The following FGL1 variants were observed in gnomAD, a reference collection of about 807,000 sequenced individuals.
FGL1 encodes the protein fibrinogen like 1.
A neutral mutation model predicts 43.7 loss-of-function variants in FGL1; 59 were observed. The ratio of observed to expected loss-of-function variants is 1.35; its 90% CI spans 1.10 to 1.68. FGL1 has a LOEUF of 1.68. Ranked by LOEUF, FGL1 falls within the 40% of genes most tolerant of loss-of-function variation. The pLI is 0.00. For synonymous variants in FGL1, 192 were observed against 126.5 expected, an observed-to-expected ratio of 1.52 and a Z score of -3.48; for missense variants, 596 against 373.0, an observed-to-expected ratio of 1.60 and a Z score of -4.92.
At chr8:17,881,871 T>C (rs1352301410) in intron 3 of FGL1, 128 bp downstream of exon 3, 1 of 758,030 alleles carries the variant, frequency 1.3e-6, no homozygotes, top group East Asian at 2.9e-5. Context: ...AAGAAGACAT[T>C]TACAATAGAT....
At position 17,892,696 on chromosome 8, in the gene FGL1, T is replaced by C. The variant is rs12114169; in HGVS notation, c.-18+2751A>G. ...GATTAGTAGTAAAAATAATGTCCTC[T>C]TTTTTTATGTGACAGGAAACAAATT... On this transcript the variant is annotated intron_variant, in intron 1 of 7. Coordinates refer to ENST00000427924, the MANE Select transcript of FGL1 (RefSeq NM_004467.4). Among the ~76,000 whole-genome samples the C allele has an allele frequency of 3.1e-3, 477 of 152,284 alleles. 3 individuals are homozygous for C. Among genetic ancestry groups the C allele is most frequent in the African/African-American group, 0.011 (454 of 41,550 alleles).
intron 1 of FGL1, among the ~76,000 whole-genome samples, chr8:17,890,135 G>C (rs533362221): frequency 2.6e-5 from 4 of 152,298 alleles, no homozygotes; most frequent in Admixed American, 1.3e-4. Flanking sequence ...AAATAGTGAA[G>C]CAAAGTAACT....
intron 1 of FGL1, among the ~76,000 whole-genome samples, chr8:17,887,850 T>A (rs2053652157): frequency 6.7e-6 from 1 of 150,268 alleles, no homozygotes. Flanking sequence ...AAAAAAAAAG[T>A]ATCTCTAGAC....
intron 5 of FGL1, among the ~76,000 whole-genome samples, chr8:17,871,188 G>C (rs1274465894): frequency 6.6e-6 from 1 of 152,080 alleles, no homozygotes; most frequent in East Asian, 1.9e-4. Flanking sequence ...TAAGTCAACT[G>C]TCTTTAAAAA....
rs527886159 is a variant in FGL1, at chr8:17,886,812, A to G, written c.-17-1241T>C. On this transcript the variant is annotated intron_variant, in intron 1 of 7. Transcript: ENST00000427924. ...GAGAGGAGAGGAGAGGAGAGGAGAG[A>G]AGAGAAGTAGGGGAATTGGCAAAGC... Among the ~76,000 whole-genome samples, 39 of 147,836 alleles carry G rather than the reference A, an allele frequency of 2.6e-4. No homozygotes were observed. In the South Asian group the frequency reaches 5.0e-3, roughly 19 times the overall value.
intron 7 of FGL1, among the ~76,000 whole-genome samples, chr8:17,867,849 C>T (rs1563446340): frequency 6.6e-6 from 1 of 152,180 alleles, no homozygotes; most frequent in Non-Finnish European, 1.5e-5. Flanking sequence ...GTAGGTGGAT[C>T]ACATGAGGCC....
At chr8:17,866,592 G>A (rs570964047) in intron 7 of FGL1, among the ~76,000 whole-genome samples, 1 of 152,132 alleles carries the variant, frequency 6.6e-6, no homozygotes, top group Non-Finnish European at 1.5e-5. Context: ...CAAGGATAAT[G>A]TGGGCTCTGT....
Position 17,864,587 on chromosome 8 carries a change from A to G in FGL1, c.*5T>C. The G allele has an allele frequency of 6.2e-7, 1 of 1,602,064 alleles. No individual in the cohort carries two copies. The highest frequency in any genetic ancestry group is 8.5e-7 in the Non-Finnish European group (1 of 1,176,786). ...ATTGCAGAAACGAAAGCCCAACAGC[A>G]GCAATTAAATTACATTTGGAATAAA... is the stretch of plus-strand genomic sequence containing the variant. On this transcript the variant is annotated 3_prime_UTR_variant, in exon 8 of 8. Coordinates refer to ENST00000427924, the MANE Select transcript of FGL1 (RefSeq NM_004467.4).
intron 2 of FGL1, among the ~76,000 whole-genome samples, chr8:17,885,084 A>T (rs2053608358): frequency 6.6e-6 from 1 of 151,008 alleles, no homozygotes; most frequent in South Asian, 2.1e-4. Flanking sequence ...TCTGTCGCCC[A>T]GGCTGGAGTG....
intron 5 of FGL1, among the ~76,000 whole-genome samples, chr8:17,870,463 G>A (rs2299579): frequency 0.73 from 110,376 of 152,034 alleles, 40,837 homozygotes; most frequent in Non-Finnish European, 0.79. Flanking sequence ...CTGTAAGGTC[G>A]GGTTAGAATT....
intron 1 of FGL1, among the ~76,000 whole-genome samples, chr8:17,890,208 A>G (rs401153): frequency 0.64 from 97,582 of 152,006 alleles, 31,992 homozygotes; most frequent in Middle Eastern, 0.72. Context: ...CACCACCTCT[A>G]TTGCTAATGT....
In FGL1 at chr8:17,864,437, C is replaced by T. The variant is rs942876438; in HGVS notation, c.*155G>A. On this transcript the variant is annotated 3_prime_UTR_variant, in exon 8 of 8. Coordinates refer to ENST00000427924, the MANE Select transcript of FGL1 (RefSeq NM_004467.4). ...TGGTGAATATTGCATATCTGCTGTA[C>T]TGAAAGCACATTAAGTAACAAAGGC... 3.5e-5 allele frequency: 25 copies of T among 723,548 alleles called. No individual in the cohort carries two copies. In the African/African-American group the frequency reaches 3.6e-4, roughly 10 times the overall value. The allele number at this position is 723,548 out of a possible 1,614,324, so 44.8% of individuals were successfully genotyped here.
chr8:17,876,096 C>T (rs146495507), intron 3 of FGL1, among the ~76,000 whole-genome samples: 1 of 152,150 alleles, frequency 6.6e-6, no homozygotes, highest in East Asian at 1.9e-4. Context: ...CAAGAAGAGC[C>T]GTCTACAAAC....
At chr8:17,884,276 CT>C (rs1321891087) in intron 2 of FGL1, among the ~76,000 whole-genome samples, 3 of 152,044 alleles carry the variant, frequency 2.0e-5, no homozygotes, top group Non-Finnish European at 4.4e-5. Flanking sequence ...CCTGCAACCT[CT>C]GCCTCTCTGG....
intron 5 of FGL1, among the ~76,000 whole-genome samples, chr8:17,873,038 C>T (rs1337690100): frequency 1.3e-5 from 2 of 152,120 alleles, no homozygotes; most frequent in African/African-American, 4.8e-5. Context: ...AAAATTTCAG[C>T]ATTAAAGATG....
At chr8:17,879,257 A>G (rs2053500283) in intron 3 of FGL1, among the ~76,000 whole-genome samples, 1 of 151,858 alleles carries the variant, frequency 6.6e-6, no homozygotes, top group African/African-American at 2.4e-5. Flanking sequence ...TTGTACAGTT[A>G]ATCCTGCTCT....
At chr8:17,870,084 T>C (rs551180006) in intron 5 of FGL1, among the ~76,000 whole-genome samples, 1 of 152,012 alleles carries the variant, frequency 6.6e-6, no homozygotes, top group Non-Finnish European at 1.5e-5. Context: ...CACTCCAGCC[T>C]GGGCGACAGA....
intron 1 of FGL1, among the ~76,000 whole-genome samples, chr8:17,886,387 G>A (rs1414709185): frequency 6.6e-6 from 1 of 152,296 alleles, no homozygotes; most frequent in Non-Finnish European, 1.5e-5. Flanking sequence ...AAGTTTAAAA[G>A]ATGCGAACTG....
chr8:17,889,416 G>T (rs985146762), intron 1 of FGL1, among the ~76,000 whole-genome samples: 11 of 152,150 alleles, frequency 7.2e-5, no homozygotes, highest in African/African-American at 2.2e-4. Flanking sequence ...CAGGTGTGGT[G>T]GTGCACACCT....
Sources: gnomAD v4.1 joint callset for allele counts (sites outside exome capture counted in the v4.1 genomes callset) on GRCh38, gnomAD v4.1.1 for gene constraint, MANE v1.5 for transcripts, NCBI Gene and HGNC (gene_info 2026-07-23, HGNC 2026-07-21) for gene names.